The following TFPI variants were observed in gnomAD, a reference collection of about 807,000 sequenced individuals.
The protein encoded by TFPI is anti-convertin.
A neutral mutation model predicts 34.6 loss-of-function variants in TFPI; 15 were observed. The ratio of observed to expected loss-of-function variants is 0.43; its 90% confidence interval spans 0.29 to 0.67. TFPI has a LOEUF of 0.67. TFPI is among the 30% of genes least tolerant of loss of function. TFPI has a pLI of 0.15. For synonymous variants in TFPI, 105 were observed against 120.1 expected (o/e 0.87, Z 0.82); for missense variants, 301 against 364.0 (o/e 0.83, Z 1.41).
rs150523630 is a variant in TFPI, at chr2:187,503,755, A to G, written c.14T>C (p.Met5Thr). MIYTMKKVHALWASV... is the reference protein window; with the variant it reads MIYTTKKVHALWASV... ...AGCCCAAAGTGCATGTACTTTCTTC[A>G]TTGTGTAAATCATCTCTGAAATACA... The change falls in exon 2 of 8, where the codon ATG becomes ACG. Residue 5 changes from methionine (M) to threonine (T), a missense_variant. By Grantham distance (81) the Met-to-Thr change is moderately conservative (BLOSUM62 -1). Coordinates refer to ENST00000233156, the MANE Select transcript of TFPI (RefSeq NM_006287.6). 5 of 1,612,794 alleles carry G rather than the reference A, an allele frequency of 3.1e-6. No homozygotes were observed. The highest frequency in any genetic ancestry group is 4.2e-6 in the Non-Finnish European group (5 of 1,179,122).
At chr2:187,496,738 G>T in intron 3 of TFPI, 143 bp downstream of exon 3, 1 of 757,092 alleles carries the variant, frequency 1.3e-6, no homozygotes, top group Non-Finnish European at 2.0e-6. Flanking sequence ...AGGATTCCCT[G>T]AAAGTCTAAA....
chr2:187,505,734 T>G (rs1226213234), intron 1 of TFPI, among the ~76,000 whole-genome samples: 1 of 152,152 alleles, frequency 6.6e-6, no homozygotes, highest in Admixed American at 6.5e-5. Flanking sequence ...CCAATCCATT[T>G]GAGTTGGGAA....
At chr2:187,509,112 A>T (rs1686440006) in intron 1 of TFPI, among the ~76,000 whole-genome samples, 1 of 152,174 alleles carries the variant, frequency 6.6e-6, no homozygotes, top group Admixed American at 6.5e-5. Flanking sequence ...TGATTTGTGT[A>T]TGTTGAACCA....
chr2:187,500,133 G>A (rs964556117), intron 2 of TFPI, among the ~76,000 whole-genome samples: 8 of 152,042 alleles, frequency 5.3e-5, no homozygotes, highest in East Asian at 1.9e-4. Flanking sequence ...TTTGCCAGCA[G>A]GTGGTGGCAG....
At chr2:187,548,567 G>A (rs1359188919) in intron 1 of TFPI, among the ~76,000 whole-genome samples, 3 of 151,974 alleles carry the variant, frequency 2.0e-5, no homozygotes, top group Non-Finnish European at 2.9e-5. Flanking sequence ...TACAAAAGAG[G>A]TTTCCAGCAC....
intron 2 of TFPI, chr2:187,499,731 A>T (rs1231012561): frequency 6.6e-6 from 1 of 152,142 alleles, no homozygotes; most frequent in Non-Finnish European, 1.5e-5. Context: ...ACAAAGCAGG[A>T]ATAAAAATAT....
intron 2 of TFPI, 101 bp from the exon 3 acceptor site, chr2:187,497,179 C>T: frequency 1.9e-6 from 2 of 1,034,676 alleles, no homozygotes; most frequent in Non-Finnish European, 2.7e-6. Context: ...AGGAAAAGTA[C>T]AATAAAACAT....
chr2:187,478,788 G>A (rs144664871), intron 6 of TFPI: 109 of 1,612,884 alleles, frequency 6.8e-5, no homozygotes, highest in Non-Finnish European at 8.9e-5. Context: ...ACCATCATTT[G>A]TTCCTTCTTT....
chr2:187,539,085 A>AGTGTGTGT (rs10608725), intron 1 of TFPI, among the ~76,000 whole-genome samples: 1 of 150,176 alleles, frequency 6.7e-6, no homozygotes, highest in African/African-American at 2.4e-5. Context: ...GCCTAAATAG[A>AGTGTGTGT]GTGTGTGTGT....
rs137865208 is a variant in TFPI, at chr2:187,496,970, C to T, written c.230G>A (p.Arg77Gln). Residue 77 changes from arginine (R) to glutamine (Q), a missense_variant, in exon 3 of 8, where the codon CGA becomes CAA. Coordinates refer to ENST00000233156, the MANE Select transcript of TFPI (RefSeq NM_006287.6). ...MKRFFFNIFTRQCEEFIYGGC... is the reference protein window; with the variant it reads ...MKRFFFNIFTQQCEEFIYGGC... Reference sequence around the variant, plus strand: ...CCCATATATAAATTCTTCGCACTGTCGAGTGAAAATATTGAAGAAAAATCT... The same window carrying T: ...CCCATATATAAATTCTTCGCACTGTTGAGTGAAAATATTGAAGAAAAATCT... The T allele has an allele frequency of 6.2e-6, 10 of 1,613,158 alleles. No homozygotes were observed. The highest frequency in any genetic ancestry group is 1.7e-5 in the Admixed American group (1 of 59,918).
Position 187,503,741 on chromosome 2 carries a change from C to CATGTACTTTCTTCATTGTGT in TFPI, c.8_27dup (p.Ala10ThrfsTer3). The CATGTACTTTCTTCATTGTGT allele has an allele frequency of 1.2e-6, 2 of 1,612,982 alleles. No individual in the cohort carries two copies. The highest frequency in any genetic ancestry group is 1.7e-6 in the Non-Finnish European group (2 of 1,179,258). On this transcript the variant is annotated stop_gained and frameshift_variant, in exon 2 of 8. Transcript: ENST00000233156. LOFTEE classifies it high-confidence loss of function. ...AGCAGGCATACAGAAGCCCAAAGTG[C>CATGTACTTTCTTCATTGTGT]ATGTACTTTCTTCATTGTGTAAATC... is the stretch of plus-strand genomic sequence containing the variant.
intron 1 of TFPI, among the ~76,000 whole-genome samples, chr2:187,551,547 GA>G (rs1689097302): frequency 6.6e-6 from 1 of 152,116 alleles, no homozygotes; most frequent in South Asian, 2.1e-4. Context: ...GACAGGGAGA[GA>G]AAGGTAATGG....
chr2:187,523,188 A>G (rs1687499491), intron 1 of TFPI, among the ~76,000 whole-genome samples: 1 of 152,132 alleles, frequency 6.6e-6, no homozygotes, highest in Non-Finnish European at 1.5e-5. Context: ...TGAAATAAAT[A>G]AATACATAAA....
chr2:187,483,549 C>G (rs1396440854), intron 6 of TFPI, among the ~76,000 whole-genome samples: 1 of 151,902 alleles, frequency 6.6e-6, no homozygotes, highest in East Asian at 1.9e-4. Flanking sequence ...CTCAGCTCTG[C>G]ATTTTGTGGA....
chr2:187,487,551 C>T (rs887588554), intron 4 of TFPI, among the ~76,000 whole-genome samples: 1 of 151,470 alleles, frequency 6.6e-6, no homozygotes, highest in Non-Finnish European at 1.5e-5. Flanking sequence ...CTGAGTTAAA[C>T]AATTTAATCT....
chr2:187,481,975 A>C (rs1281052554), intron 6 of TFPI, among the ~76,000 whole-genome samples: 3 of 152,104 alleles, frequency 2.0e-5, no homozygotes, highest in African/African-American at 4.8e-5. Flanking sequence ...GTGCATCTAC[A>C]CAATAAACTA....
At chr2:187,478,935 A>G (rs1286561470) in intron 6 of TFPI, 3 of 657,080 alleles carry the variant, frequency 4.6e-6, no homozygotes, top group Non-Finnish European at 7.5e-6. Context: ...AAAATCTTGT[A>G]ATCTAGACAG....
At chr2:187,505,054 T>A (rs866235810) in intron 1 of TFPI, among the ~76,000 whole-genome samples, 3 of 151,910 alleles carry the variant, frequency 2.0e-5, no homozygotes, top group Non-Finnish European at 2.9e-5. Flanking sequence ...CAAATATATA[T>A]ATATATTTAT....
At chr2:187,549,522 A>G (rs541804412) in intron 1 of TFPI, among the ~76,000 whole-genome samples, 1 of 152,262 alleles carries the variant, frequency 6.6e-6, no homozygotes, top group Admixed American at 6.5e-5. Context: ...CATCTAAAAT[A>G]TAGAAGAGAG....
Sources: gnomAD v4.1 joint callset for allele counts (sites outside exome capture counted in the v4.1 genomes callset) on GRCh38, gnomAD v4.1.1 for gene constraint, MANE v1.5 for transcripts, NCBI Gene and HGNC (gene_info 2026-07-23, HGNC 2026-07-21) for gene names.